Variants in SUMF1 observed in about 807,000 individuals in gnomAD.
SUMF1 encodes the protein sulfatase modifying factor 1.
In SUMF1, 48 loss-of-function variants were observed where a neutral mutation model predicts 47.6. The ratio of observed to expected loss-of-function variants is 1.01; its 90% CI spans 0.80 to 1.28. The LOEUF (loss-of-function observed/expected upper bound fraction) is 1.28. Ranked by LOEUF, SUMF1 falls within the 50% of genes most tolerant of loss-of-function variation. The probability of loss-of-function intolerance (pLI) is 0.00; values close to 1 mark genes in which losing one functional copy is unlikely to be tolerated. For synonymous variants in SUMF1, 230 were observed against 192.1 expected, an observed-to-expected ratio of 1.20 and a Z score of -1.63; for missense variants, 571 against 485.4, an observed-to-expected ratio of 1.18 and a Z score of -1.66.
intron 8 of SUMF1, among the ~76,000 whole-genome samples, chr3:4,240,011 A>G (rs1696501700): frequency 6.6e-6 from 1 of 152,184 alleles, no homozygotes; most frequent in Non-Finnish European, 1.5e-5. Flanking sequence ...CCCTTTCTCC[A>G]TCTATTGAAA....
intron 8 of SUMF1, among the ~76,000 whole-genome samples, chr3:4,288,923 T>G (rs1449385443): frequency 6.6e-6 from 1 of 152,212 alleles, no homozygotes; most frequent in Non-Finnish European, 1.5e-5. Flanking sequence ...TCCTTATTAT[T>G]TACTGTTTTA....
chr3:4,416,835 C>T (rs1036306109), intron 6 of SUMF1, among the ~76,000 whole-genome samples: 1 of 152,146 alleles, frequency 6.6e-6, no homozygotes, highest in African/African-American at 2.4e-5. Context: ...CACCAATATG[C>T]TAACAGGTAT....
chr3:4,422,688 C>T (rs1701940574), intron 3 of SUMF1, among the ~76,000 whole-genome samples: 1 of 152,020 alleles, frequency 6.6e-6, no homozygotes, highest in African/African-American at 2.4e-5. Context: ...CTAGAATACA[C>T]ATGTGCACAG....
At chr3:4,401,580 C>T (rs1421518283) in intron 7 of SUMF1, among the ~76,000 whole-genome samples, 1 of 152,158 alleles carries the variant, frequency 6.6e-6, no homozygotes, top group East Asian at 1.9e-4. Context: ...GCACAACTTA[C>T]AGATGAAGCA....
rs1013528116 is a variant in SUMF1 at position 4,150,925 on chromosome 3, C to T, written c.1015-82180G>A. The stretch of plus-strand genomic sequence containing the variant: ...TTAGCTGTCTCCCTGTGCCCCAAAA[C>T]GGCCAGCAAACTCTTTCTGCTCTCT... On this transcript the variant is annotated intron_variant and NMD_transcript_variant, in intron 8 of 12. Transcript: ENST00000448413. 1.1e-4 allele frequency among the ~76,000 whole-genome samples: 16 copies of T among 151,540 alleles called. No individual in the cohort carries two copies. The South Asian group carries it at 1.2e-3, about 12-fold the overall frequency.
At chr3:4,069,964 C>A (rs795737) in intron 8 of SUMF1, among the ~76,000 whole-genome samples, 2 of 151,992 alleles carry the variant, frequency 1.3e-5, no homozygotes, top group African/African-American at 2.4e-5. Flanking sequence ...ACGCTTTTAG[C>A]TCTGATAAGA....
intron 7 of SUMF1, among the ~76,000 whole-genome samples, chr3:4,407,514 G>C (rs1051140053): frequency 6.6e-6 from 1 of 152,138 alleles, no homozygotes; most frequent in African/African-American, 2.4e-5. Context: ...GGAACACATG[G>C]AGTCTGGACA....
chr3:4,225,211 T>C (rs986457338), intron 8 of SUMF1, among the ~76,000 whole-genome samples: 2 of 152,106 alleles, frequency 1.3e-5, no homozygotes, highest in Non-Finnish European at 2.9e-5. Flanking sequence ...TAGAAAAACA[T>C]CTGCTGACAA....
intron 8 of SUMF1, among the ~76,000 whole-genome samples, chr3:4,248,998 C>T (rs1696731681): frequency 1.3e-5 from 2 of 152,194 alleles, no homozygotes; most frequent in Admixed American, 6.5e-5. Flanking sequence ...TCTGCATGAT[C>T]TTTCGTCCCC....
chr3:4,179,562 A>C (rs1450541114), intron 8 of SUMF1, among the ~76,000 whole-genome samples: 1 of 152,208 alleles, frequency 6.6e-6, no homozygotes, highest in Non-Finnish European at 1.5e-5. Context: ...CTTAAATATT[A>C]GACCTAAAAC....
At chr3:4,071,260 C>G (rs916419573) in intron 8 of SUMF1, among the ~76,000 whole-genome samples, 3 of 152,046 alleles carry the variant, frequency 2.0e-5, no homozygotes, top group Non-Finnish European at 4.4e-5. Context: ...TTCTGCATTT[C>G]CAACTGAGGA....
intron 8 of SUMF1, among the ~76,000 whole-genome samples, chr3:4,230,480 G>C (rs13094050): frequency 0.36 from 55,026 of 151,868 alleles, 10,866 homozygotes; most frequent in Non-Finnish European, 0.45. Context: ...TATTATAAAG[G>C]ATACAACTCA....
At chr3:4,197,278 C>T (rs1054729752) in intron 8 of SUMF1, among the ~76,000 whole-genome samples, 1 of 151,998 alleles carries the variant, frequency 6.6e-6, no homozygotes, top group African/African-American at 2.4e-5. Context: ...CCATGCCTAA[C>T]TAATTTTTGT....
At chr3:4,366,526 T>C (rs6442881) in intron 8 of SUMF1, among the ~76,000 whole-genome samples, 88,609 of 145,982 alleles carry the variant, frequency 0.61, 27,557 homozygotes, top group East Asian at 0.75. Flanking sequence ...GAGGCTTTTG[T>C]ATTCTTCACG....
chr3:4,362,015 C>A lies in SUMF1; in HGVS notation c.*129G>T, dbSNP rs1251810547. 5.9e-6 allele frequency: 5 copies of A among 854,290 alleles called. No individual in the cohort carries two copies. Among genetic ancestry groups the A allele is most frequent in the Non-Finnish European group, 9.5e-6 (5 of 526,638 alleles). The allele number at this position is 854,290 out of a possible 1,614,324, so 52.9% of individuals were successfully genotyped here. A position where few individuals can be genotyped will look rare whatever the true frequency, so the allele number is the denominator to read the frequency against. ...TGGTCTCACAAGGCGGTTCCTTTGG[C>A]CATTGGGCAGGTATGTAACCCACCT... On this transcript the variant is annotated 3_prime_UTR_variant, in exon 9 of 9. Transcript: ENST00000272902.
At chr3:4,388,977 C>T (rs1319204461) in intron 7 of SUMF1, among the ~76,000 whole-genome samples, 2 of 152,092 alleles carry the variant, frequency 1.3e-5, no homozygotes, top group African/African-American at 2.4e-5. Context: ...TTTGTTTCAA[C>T]TGTCAAATAA....
At chr3:4,465,166 G>C (rs147613676) in intron 1 of SUMF1, among the ~76,000 whole-genome samples, 1 of 152,168 alleles carries the variant, frequency 6.6e-6, no homozygotes, top group African/African-American at 2.4e-5. Flanking sequence ...ACAGATGTAA[G>C]GATTTCTCCT....
chr3:4,130,272 C>A (rs544344075), intron 8 of SUMF1, among the ~76,000 whole-genome samples: 9 of 152,158 alleles, frequency 5.9e-5, no homozygotes, highest in Admixed American at 1.3e-4. Flanking sequence ...TAACACATCT[C>A]CTGGTACCTG....
chr3:4,375,958 C>G (rs1700314034), intron 8 of SUMF1, among the ~76,000 whole-genome samples: 1 of 152,186 alleles, frequency 6.6e-6, no homozygotes, highest in Non-Finnish European at 1.5e-5. Flanking sequence ...TCACCTGAAT[C>G]TCAACAGAAA....
Sources: gnomAD v4.1 joint callset for allele counts (sites outside exome capture counted in the v4.1 genomes callset) on GRCh38, gnomAD v4.1.1 for gene constraint, MANE v1.5 for transcripts, NCBI Gene and HGNC (gene_info 2026-07-23, HGNC 2026-07-21) for gene names.